RBKS: variants seen among roughly 807,000 people sequenced by gnomAD.
RBKS encodes ribokinase.
RBKS carries 33 observed loss-of-function variants against 33.9 expected under a neutral mutation model. That is an observed-to-expected ratio of 0.97 (90% CI 0.74 to 1.30). The LOEUF is 1.30. RBKS is among the 50% of genes most tolerant of loss of function. RBKS has a pLI of 0.00. For missense variants in RBKS, 361 were observed against 392.6 expected (o/e 0.92, Z 0.68); for synonymous variants, 125 against 143.0 (o/e 0.87, Z 0.90).
intron 1 of RBKS, among the ~76,000 whole-genome samples, chr2:27,886,807 C>A (rs1664538649): frequency 6.6e-6 from 1 of 152,060 alleles, no homozygotes; most frequent in Non-Finnish European, 1.5e-5. Flanking sequence ...CACTTACTAG[C>A]CAGTAAGTAA....
At chr2:27,812,175 T>C (rs1035817697) in intron 7 of RBKS, among the ~76,000 whole-genome samples, 4 of 152,150 alleles carry the variant, frequency 2.6e-5, no homozygotes, top group African/African-American at 9.7e-5. Context: ...CATAATGAGA[T>C]ACCATCTCAC....
chr2:27,842,095 A>C (rs1337738360), intron 5 of RBKS, among the ~76,000 whole-genome samples: 1 of 152,232 alleles, frequency 6.6e-6, no homozygotes, highest in Non-Finnish European at 1.5e-5. Flanking sequence ...AAAGGCTCAG[A>C]CAAATCAGGT....
At chr2:27,841,646 T>C (rs1182908643) in intron 5 of RBKS, among the ~76,000 whole-genome samples, 1 of 151,796 alleles carries the variant, frequency 6.6e-6, no homozygotes, top group Non-Finnish European at 1.5e-5. Flanking sequence ...ATTTTAAAAT[T>C]CTCCACAAAA....
At chr2:27,834,058 G>A (rs373511694) in intron 5 of RBKS, among the ~76,000 whole-genome samples, 1 of 152,204 alleles carries the variant, frequency 6.6e-6, no homozygotes, top group Admixed American at 6.5e-5. Flanking sequence ...CAGAATCTCT[G>A]GGGGTAAGAT....
At chr2:27,881,155 C>T (rs557285585) in intron 1 of RBKS, among the ~76,000 whole-genome samples, 14 of 152,022 alleles carry the variant, frequency 9.2e-5, no homozygotes, top group Non-Finnish European at 2.1e-4. Flanking sequence ...AGGTTAATGT[C>T]GGGGGATTGC....
At chr2:27,873,925 A>G (rs12466717) in intron 1 of RBKS, among the ~76,000 whole-genome samples, 97,248 of 152,042 alleles carry the variant, frequency 0.64, 33,202 homozygotes, top group Middle Eastern at 0.8. Flanking sequence ...TCAACCATAT[A>G]CAAACAGAGA....
chr2:27,802,433 TGTG>T (rs1677815452), intron 7 of RBKS, among the ~76,000 whole-genome samples: 1 of 53,974 alleles, frequency 1.9e-5, no homozygotes, highest in African/African-American at 1.6e-4. Context: ...CATATGTTTG[TGTG>T]TGTGTGTGTG....
At chr2:27,786,240 T>A (rs1677398741) in intron 7 of RBKS, among the ~76,000 whole-genome samples, 1 of 152,242 alleles carries the variant, frequency 6.6e-6, no homozygotes, top group Admixed American at 6.5e-5. Flanking sequence ...CAGTGGTCTT[T>A]TCTTCTTTAT....
chr2:27,823,574 G>A (rs930227524), intron 7 of RBKS, among the ~76,000 whole-genome samples: 1 of 152,144 alleles, frequency 6.6e-6, no homozygotes, highest in Non-Finnish European at 1.5e-5. Flanking sequence ...GCCTCCCTGG[G>A]AGCTCCTCAC....
intron 1 of RBKS, among the ~76,000 whole-genome samples, chr2:27,880,431 G>A (rs375648030): frequency 6.6e-6 from 1 of 152,078 alleles, no homozygotes; most frequent in East Asian, 1.9e-4. Context: ...AGAGTAACCA[G>A]GCAAGAGAAA....
intron 7 of RBKS, among the ~76,000 whole-genome samples, chr2:27,788,212 T>C (rs926413209): frequency 2.0e-5 from 3 of 152,160 alleles, no homozygotes; most frequent in Non-Finnish European, 4.4e-5. Flanking sequence ...CTACTCAACA[T>C]TGTACTGGAT....
At chr2:27,838,460 T>C (rs577888940) in intron 5 of RBKS, among the ~76,000 whole-genome samples, 2 of 152,362 alleles carry the variant, frequency 1.3e-5, no homozygotes, top group South Asian at 4.1e-4. Flanking sequence ...TCCATAATTT[T>C]ACTGTAAATA....
intron 7 of RBKS, among the ~76,000 whole-genome samples, chr2:27,787,371 C>G (rs554968594): frequency 1.9e-4 from 29 of 152,134 alleles, no homozygotes; most frequent in Non-Finnish European, 2.5e-4. Context: ...ATGTCAAGCC[C>G]GCAGTGAGCC....
At chr2:27,783,718 T>G (rs1033283681) in intron 7 of RBKS, among the ~76,000 whole-genome samples, 3 of 151,750 alleles carry the variant, frequency 2.0e-5, no homozygotes, top group Admixed American at 6.6e-5. Context: ...CCATCCCGGC[T>G]AACACGGTGA....
chr2:27,871,156 T>C (rs984203520), intron 1 of RBKS, among the ~76,000 whole-genome samples: 1 of 152,238 alleles, frequency 6.6e-6, no homozygotes, highest in Non-Finnish European at 1.5e-5. Context: ...GTAAAGGACT[T>C]CTTAGCTTTA....
intron 7 of RBKS, among the ~76,000 whole-genome samples, chr2:27,806,540 G>A (rs192356345): frequency 5.9e-5 from 9 of 152,246 alleles, no homozygotes; most frequent in South Asian, 4.1e-4. Context: ...TTGATTTTCC[G>A]GATGAGAAAC....
intron 1 of RBKS, among the ~76,000 whole-genome samples, chr2:27,860,169 C>A (rs576245893): frequency 6.6e-6 from 1 of 152,226 alleles, no homozygotes; most frequent in Non-Finnish European, 1.5e-5. Context: ...CTAGAAGGTT[C>A]ACTTCTGAAA....
chr2:27,806,526 G>C (rs1677899059), intron 7 of RBKS, among the ~76,000 whole-genome samples: 1 of 152,200 alleles, frequency 6.6e-6, no homozygotes. Context: ...GGTAGGGTGG[G>C]TCTTTGATTT....
At chr2:27,864,474 T>C (rs1375323126) in intron 1 of RBKS, among the ~76,000 whole-genome samples, 1 of 152,174 alleles carries the variant, frequency 6.6e-6, no homozygotes, top group Non-Finnish European at 1.5e-5. Context: ...CTTACTTATG[T>C]GTGAAAAAGT....
Sources: gnomAD v4.1 joint callset for allele counts (sites outside exome capture counted in the v4.1 genomes callset) on GRCh38, gnomAD v4.1.1 for gene constraint, MANE v1.5 for transcripts, NCBI Gene and HGNC (gene_info 2026-07-23, HGNC 2026-07-21) for gene names.